Variants in GPC5 observed in about 807,000 individuals in gnomAD.
The protein encoded by GPC5 is glypican 5.
GPC5 carries 47 observed loss-of-function variants against 53.9 expected under a neutral mutation model. That is an observed-to-expected ratio of 0.87 (90% confidence interval 0.69 to 1.11). The LOEUF (loss-of-function observed/expected upper bound fraction) is 1.11, where lower values mean the gene tolerates loss of function less well. GPC5 is among the 50% of genes most tolerant of loss of function. The pLI is 0.00. For missense variants in GPC5, 748 were observed against 713.1 expected (o/e 1.05, Z -0.56); for synonymous variants, 286 against 263.3 (o/e 1.09, Z -0.84).
At chr13:92,846,458 T>C (rs1288831401) in intron 7 of GPC5, among the ~76,000 whole-genome samples, 2 of 152,178 alleles carry the variant, frequency 1.3e-5, no homozygotes, top group African/African-American at 2.4e-5. Flanking sequence ...TGTGGATTCA[T>C]GTTGTTCTTA....
At chr13:92,457,274 C>T (rs948336392) in intron 7 of GPC5, among the ~76,000 whole-genome samples, 1 of 152,094 alleles carries the variant, frequency 6.6e-6, no homozygotes, top group Non-Finnish European at 1.5e-5. Flanking sequence ...GATTCCATGT[C>T]TTTGCTATGG....
intron 7 of GPC5, among the ~76,000 whole-genome samples, chr13:92,204,643 G>A (rs1016439891): frequency 6.6e-6 from 1 of 152,116 alleles, no homozygotes; most frequent in South Asian, 2.1e-4. Context: ...CTCACTGAAA[G>A]CCATTATGCT....
chr13:91,745,652 A>T (rs981677961), intron 4 of GPC5, among the ~76,000 whole-genome samples: 1 of 152,128 alleles, frequency 6.6e-6, no homozygotes, highest in Admixed American at 6.6e-5. Context: ...AAAGGTGCCT[A>T]TCTTTACGTC....
chr13:91,445,402 G>C (rs1202711316), intron 1 of GPC5, among the ~76,000 whole-genome samples: 1 of 152,178 alleles, frequency 6.6e-6, no homozygotes, highest in Non-Finnish European at 1.5e-5. Context: ...CCCCAGGTGG[G>C]ATGAATCAGG....
chr13:92,588,662 A>G (rs1374151120), intron 7 of GPC5, among the ~76,000 whole-genome samples: 1 of 152,350 alleles, frequency 6.6e-6, no homozygotes, highest in Non-Finnish European at 1.5e-5. Flanking sequence ...ATTCAGCAGT[A>G]CAAGTCATAT....
At chr13:92,012,003 T>C (rs1267519113) in intron 6 of GPC5, among the ~76,000 whole-genome samples, 2 of 152,220 alleles carry the variant, frequency 1.3e-5, no homozygotes, top group African/African-American at 4.8e-5. Context: ...GAGGAGATTC[T>C]ATGAGGATAG....
intron 7 of GPC5, among the ~76,000 whole-genome samples, chr13:92,152,655 T>TTGCA (rs2041915336): frequency 2.0e-5 from 3 of 149,930 alleles, no homozygotes; most frequent in Admixed American, 6.7e-5. Context: ...AGGAGAATGG[T>TTGCA]GTGAACCCGG....
chr13:91,820,918 G>C, intron 5 of GPC5, among the ~76,000 whole-genome samples: 1 of 151,410 alleles, frequency 6.6e-6, no homozygotes, highest in Non-Finnish European at 1.5e-5. Flanking sequence ...AGCTGAGATC[G>C]TGCCACTGCA....
At chr13:92,610,579 A>T (rs1380588475) in intron 7 of GPC5, among the ~76,000 whole-genome samples, 2 of 152,210 alleles carry the variant, frequency 1.3e-5, no homozygotes, top group African/African-American at 4.8e-5. Flanking sequence ...CTGAAAGGAA[A>T]AATTAAGATT....
chr13:92,385,635 A>C (rs1007218038), intron 7 of GPC5, among the ~76,000 whole-genome samples: 29 of 143,462 alleles, frequency 2.0e-4, no homozygotes, highest in African/African-American at 5.6e-4. Context: ...ACATATATAC[A>C]TATATACCTA....
intron 7 of GPC5, among the ~76,000 whole-genome samples, chr13:92,638,351 G>C (rs1566335439): frequency 6.6e-6 from 1 of 152,048 alleles, no homozygotes; most frequent in African/African-American, 2.4e-5. Flanking sequence ...ACCTTCTCTT[G>C]GTCAATCAAG....
chr13:92,575,360 G>A (rs182010036), intron 7 of GPC5, among the ~76,000 whole-genome samples: 1 of 152,192 alleles, frequency 6.6e-6, no homozygotes, highest in Admixed American at 6.5e-5. Flanking sequence ...GACACATTGG[G>A]GAAAAGGCCA....
chr13:92,026,597 A>G, intron 6 of GPC5, among the ~76,000 whole-genome samples: 1 of 151,912 alleles, frequency 6.6e-6, no homozygotes, highest in East Asian at 1.9e-4. Flanking sequence ...ATCCTATTTT[A>G]TAATTGAATT....
intron 7 of GPC5, among the ~76,000 whole-genome samples, chr13:92,329,860 C>T (rs572077523): frequency 6.6e-6 from 1 of 152,284 alleles, no homozygotes; most frequent in East Asian, 1.9e-4. Flanking sequence ...GAGTGAAGAT[C>T]TCCCAAGGAG....
intron 7 of GPC5, among the ~76,000 whole-genome samples, chr13:92,337,121 C>T (rs2043329430): frequency 6.6e-6 from 1 of 151,758 alleles, no homozygotes; most frequent in Non-Finnish European, 1.5e-5. Flanking sequence ...GACGATACCA[C>T]CTTCCTGTAT....
intron 6 of GPC5, among the ~76,000 whole-genome samples, chr13:91,968,153 G>T (rs1437564001): frequency 6.6e-6 from 1 of 151,876 alleles, no homozygotes; most frequent in South Asian, 2.1e-4. Context: ...TGTGTCCTTT[G>T]TTTAATTACA....
chr13:91,512,354 T>G (rs1158046983), intron 2 of GPC5, among the ~76,000 whole-genome samples: 1 of 152,200 alleles, frequency 6.6e-6, no homozygotes, highest in Non-Finnish European at 1.5e-5. Flanking sequence ...CTGTCTCCAG[T>G]CATCAGAGGG....
At chr13:91,828,703 C>A (rs973930642) in intron 5 of GPC5, among the ~76,000 whole-genome samples, 1 of 151,896 alleles carries the variant, frequency 6.6e-6, no homozygotes, top group Non-Finnish European at 1.5e-5. Flanking sequence ...AATGTACACA[C>A]CTGGCACAAT....
intron 5 of GPC5, among the ~76,000 whole-genome samples, chr13:91,813,640 G>A (rs184342253): frequency 1.3e-5 from 2 of 152,246 alleles, no homozygotes; most frequent in Admixed American, 6.5e-5. Context: ...GAAGTTTGCC[G>A]AGTATTGGAT....
Sources: gnomAD v4.1 joint callset for allele counts (sites outside exome capture counted in the v4.1 genomes callset) on GRCh38, gnomAD v4.1.1 for gene constraint, MANE v1.5 for transcripts, NCBI Gene and HGNC (gene_info 2026-07-23, HGNC 2026-07-21) for gene names.